Variants in MME observed in about 807,000 individuals in gnomAD.
MME encodes neprilysin.
MME carries 98 observed loss-of-function variants against 113.2 expected under a neutral mutation model. The ratio of observed to expected loss-of-function variants is 0.87; its 90% confidence interval spans 0.74 to 1.02. The LOEUF is 1.02. Among genes scored for constraint, MME ranks in the 50% least tolerant of loss-of-function variants. MME has a pLI of 0.00. For synonymous variants in MME, 292 were observed against 300.6 expected (o/e 0.97, Z 0.30); for missense variants, 836 against 896.0 (o/e 0.93, Z 0.86).
chr3:155,128,600 A>T (rs1267338106), intron 8 of MME, among the ~76,000 whole-genome samples: 1 of 149,958 alleles, frequency 6.7e-6, no homozygotes, highest in African/African-American at 2.5e-5. Flanking sequence ...CTTGCCCCCC[A>T]CACACACCAC....
In MME at chr3:155,142,303, C is replaced by T. The variant is rs200306703; in HGVS notation, c.1161C>T (p.Tyr387=). 8.6e-5 allele frequency: 138 copies of T among 1,613,420 alleles called. No homozygotes were observed. In the South Asian group the frequency reaches 1.5e-3, roughly 18 times the overall value. ...MDLVSSLSRT[Y]KESRNAFRKA... ...TTGTAAGCAGCCTCAGCCGAACCTA[C>T]AAGGAGTCCAGAAATGCTTTCCGCA... Residue 387 remains tyrosine (Y), a synonymous_variant, in exon 12 of 23, where the codon TAC becomes TAT. Coordinates refer to ENST00000360490, the MANE Select transcript of MME (RefSeq NM_007289.4).
chr3:155,124,715 C>T (rs1325291281), intron 8 of MME, among the ~76,000 whole-genome samples: 5 of 151,628 alleles, frequency 3.3e-5, no homozygotes, highest in African/African-American at 4.8e-5. Flanking sequence ...GGGGGTGCCT[C>T]CCAGTTAGGC....
At chr3:155,137,628 C>T (rs1051113435) in intron 8 of MME, among the ~76,000 whole-genome samples, 1 of 152,092 alleles carries the variant, frequency 6.6e-6, no homozygotes. Flanking sequence ...ATTGCTTGAA[C>T]CATAGAGATG....
intron 1 of MME, among the ~76,000 whole-genome samples, chr3:155,027,021 G>A (rs1405858767): frequency 6.6e-6 from 1 of 152,030 alleles, no homozygotes; most frequent in Non-Finnish European, 1.5e-5. Flanking sequence ...ATTTAGCCTG[G>A]GTATTTTGCA....
intron 8 of MME, among the ~76,000 whole-genome samples, chr3:155,125,614 C>G (rs532488721): frequency 6.6e-6 from 1 of 151,832 alleles, no homozygotes; most frequent in Non-Finnish European, 1.5e-5. Flanking sequence ...GTGCCCGCCA[C>G]CGCGCCCAGC....
Position 155,107,709 on chromosome 3 carries a change from G to A in MME, c.197-7285G>A, listed in dbSNP as rs532430863. On this transcript the variant is annotated intron_variant, in intron 3 of 22. Coordinates refer to ENST00000360490, the MANE Select transcript of MME (RefSeq NM_007289.4). ...AATCACTATTTGCAGCTCTCTCACA[G>A]TCATTTACAGACATGCACAGACTGG... Among the ~76,000 whole-genome samples the A allele has an allele frequency of 7.2e-5, 11 of 152,312 alleles. No homozygotes were observed. The East Asian group carries it at 9.6e-4, about 13-fold the overall frequency.
intron 8 of MME, among the ~76,000 whole-genome samples, chr3:155,119,177 G>C (rs1559930274): frequency 6.6e-6 from 1 of 152,148 alleles, no homozygotes; most frequent in Non-Finnish European, 1.5e-5. Context: ...GAGGACCAGA[G>C]GGTCAGTGAG....
intron 3 of MME, among the ~76,000 whole-genome samples, chr3:155,098,281 C>T (rs921341987): frequency 5.3e-5 from 8 of 151,980 alleles, no homozygotes; most frequent in Non-Finnish European, 8.8e-5. Flanking sequence ...GCTGGCTGGG[C>T]GCAGTGGCTC....
At position 155,143,513 on chromosome 3, in the gene MME, A is replaced by G. The variant is rs755221706; in HGVS notation, c.1259A>G (p.Glu420Gly). 1.2e-6 allele frequency: 2 copies of G among 1,612,800 alleles called. No individual in the cohort carries two copies. Among genetic ancestry groups the G allele is most frequent in the Non-Finnish European group, 1.7e-6 (2 of 1,179,018 alleles). The change falls in exon 13 of 23, where the codon GAA becomes GGA. Residue 420 changes from glutamate to glycine, a missense_variant. Physicochemically the swap from Glu to Gly is moderately conservative, Grantham distance 98. Transcript: ENST00000360490. ...RCANYVNGNMENAVGRLYVEA... is the reference protein window; with the variant it reads ...RCANYVNGNMGNAVGRLYVEA... ...GCAAACTATGTCAATGGGAATATGG[A>G]AAATGCTGTGGGGAGGCTTTATGTG...
chr3:155,076,774 GA>G (rs1265380963), upstream of MME, among the ~76,000 whole-genome samples: 1 of 152,182 alleles, frequency 6.6e-6, no homozygotes, highest in Non-Finnish European at 1.5e-5. Flanking sequence ...TCCTGGAACT[GA>G]GGGTCCCTCC....
Position 155,142,145 on chromosome 3 carries a change from C to G in MME, c.1094+18C>G, listed in dbSNP as rs1480630181. 1.9e-6 allele frequency: 3 copies of G among 1,613,642 alleles called. No homozygotes were observed. The South Asian group carries it at 3.3e-5, about 18-fold the overall frequency. ...TCTGCCAGGTAGGTATGTCACAGTC[C>G]CCATGTCCTCAAAGTTTGCATTTCA... On this transcript the variant is annotated intron_variant, in intron 11 of 22. Coordinates refer to ENST00000360490, the MANE Select transcript of MME (RefSeq NM_007289.4).
chr3:155,170,231 G>A (rs1159914367), intron 20 of MME, among the ~76,000 whole-genome samples: 1 of 152,104 alleles, frequency 6.6e-6, no homozygotes, highest in Non-Finnish European at 1.5e-5. Context: ...TTGTAGTAGA[G>A]ATGGGATTTC....
intron 4 of MME, among the ~76,000 whole-genome samples, 180 bp downstream of exon 4, chr3:155,115,335 T>C (rs564659252): frequency 6.6e-6 from 1 of 152,354 alleles, no homozygotes; most frequent in South Asian, 2.1e-4. Flanking sequence ...AATTAATGTG[T>C]TGACATCTCT....
chr3:155,097,310 C>T (rs1029327980), intron 3 of MME, among the ~76,000 whole-genome samples: 3 of 152,022 alleles, frequency 2.0e-5, no homozygotes, highest in African/African-American at 7.3e-5. Flanking sequence ...AGAATTGCAT[C>T]ACATAAAGCA....
chr3:155,045,744 CTGTTCT>C (rs1364246339), intron 1 of MME, among the ~76,000 whole-genome samples: 4 of 149,760 alleles, frequency 2.7e-5, no homozygotes, highest in African/African-American at 9.9e-5. Flanking sequence ...TTGTTGATTT[CTGTTCT>C]TATCTTTAAT....
At chr3:155,037,961 G>T (rs1713179273) in intron 1 of MME, among the ~76,000 whole-genome samples, 1 of 152,110 alleles carries the variant, frequency 6.6e-6, no homozygotes, top group African/African-American at 2.4e-5. Flanking sequence ...AGAGCTGTGG[G>T]TAGGAAGGGG....
At chr3:155,130,474 A>C (rs1293037793) in intron 8 of MME, among the ~76,000 whole-genome samples, 3 of 152,202 alleles carry the variant, frequency 2.0e-5, no homozygotes, top group African/African-American at 7.2e-5. Flanking sequence ...AGAAGAAGCC[A>C]GAGTTATAAA....
chr3:155,175,358 GA>G lies in MME; in HGVS notation c.2153+2750del, dbSNP rs757022101. 4.0e-5 allele frequency among the ~76,000 whole-genome samples: 6 copies of G among 151,872 alleles called. No homozygotes were observed. The East Asian group carries it at 1.2e-3, about 29-fold the overall frequency. ...TAATTCCTCCATTTTGATTAGCTCAGAAAACATTTTGTTAAATTTAAATGGT... is the reference window on the plus strand; with the variant it reads ...TAATTCCTCCATTTTGATTAGCTCAGAAACATTTTGTTAAATTTAAATGGT... On this transcript the variant is annotated intron_variant, in intron 22 of 22. Transcript: ENST00000360490.
chr3:155,098,535 G>A (rs1057165625), intron 3 of MME, among the ~76,000 whole-genome samples: 11 of 150,258 alleles, frequency 7.3e-5, no homozygotes, highest in Admixed American at 5.3e-4. Flanking sequence ...CGGCCTGGGC[G>A]GCAGAGTGAG....
Sources: gnomAD v4.1 joint callset for allele counts (sites outside exome capture counted in the v4.1 genomes callset) on GRCh38, gnomAD v4.1.1 for gene constraint, MANE v1.5 for transcripts, NCBI Gene and HGNC (gene_info 2026-07-23, HGNC 2026-07-21) for gene names.